Variants in PLCH1 observed in about 807,000 individuals in gnomAD.
The protein encoded by PLCH1 is 1-phosphatidylinositol 4,5-bisphosphate phosphodiesterase eta-1.
Under a neutral mutation model 126.7 loss-of-function variants are expected in PLCH1, and 60 were observed. The ratio of observed to expected loss-of-function variants is 0.47; its 90% confidence interval spans 0.38 to 0.59. The LOEUF is 0.59. PLCH1 is among the 20% of genes least tolerant of loss of function. The pLI is 0.00. For synonymous variants in PLCH1, 719 were observed against 734.9 expected (o/e 0.98, Z 0.35); for missense variants, 1,723 against 2,040.0 (o/e 0.84, Z 2.99).
At chr3:155,549,067 G>A (rs1725764375) in intron 10 of PLCH1, among the ~76,000 whole-genome samples, 1 of 152,108 alleles carries the variant, frequency 6.6e-6, no homozygotes, top group Non-Finnish European at 1.5e-5. Context: ...AAAATGATGT[G>A]GCCACCCAAG....
intron 10 of PLCH1, among the ~76,000 whole-genome samples, chr3:155,541,908 G>A (rs539653765): frequency 6.6e-6 from 1 of 152,308 alleles, no homozygotes; most frequent in African/African-American, 2.4e-5. Context: ...GGGGAGCCAA[G>A]ATGGCCGAAT....
intron 7 of PLCH1, among the ~76,000 whole-genome samples, chr3:155,567,234 A>C (rs1046721784): frequency 6.6e-6 from 1 of 151,956 alleles, no homozygotes; most frequent in African/African-American, 2.4e-5. Flanking sequence ...CACCATGCCC[A>C]GCTAATTTTT....
At chr3:155,685,457 G>T (rs1744865304) in intron 2 of PLCH1, among the ~76,000 whole-genome samples, 1 of 152,192 alleles carries the variant, frequency 6.6e-6, no homozygotes, top group Admixed American at 6.5e-5. Context: ...GGAAGGCAGA[G>T]CTCCTTAGGA....
At chr3:155,518,187 T>G (rs1720610053) in intron 11 of PLCH1, among the ~76,000 whole-genome samples, 2 of 152,218 alleles carry the variant, frequency 1.3e-5, no homozygotes, top group Non-Finnish European at 2.9e-5. Context: ...ATAGAATTTT[T>G]CAATCAATAT....
chr3:155,550,083 G>A, intron 9 of PLCH1, 125 bp from the exon 10 acceptor site: 1 of 577,336 alleles, frequency 1.7e-6, no homozygotes, highest in Non-Finnish European at 2.9e-6. Context: ...ACTGATGATG[G>A]TTAAAATGCT....
chr3:155,636,005 G>A (rs1034723524), intron 2 of PLCH1, among the ~76,000 whole-genome samples: 4 of 152,218 alleles, frequency 2.6e-5, no homozygotes, highest in East Asian at 3.9e-4. Context: ...CATCATAAAC[G>A]CATAGGTTGA....
chr3:155,632,324 A>G (rs1341642129), intron 2 of PLCH1, among the ~76,000 whole-genome samples: 1 of 152,188 alleles, frequency 6.6e-6, no homozygotes, highest in African/African-American at 2.4e-5. Context: ...TCAAGAAAAA[A>G]GTCCTGTCTT....
chr3:155,492,826 G>A lies in PLCH1; in HGVS notation c.2210C>T (p.Pro737Leu), dbSNP rs1716440122. The part of the protein sequence containing the change: ...KGTFNPFSGD[P>L]LPANPKKQLI... ...CTGCTTTTTGGGGTTGGCAGGAAGA[G>A]GGTCACCAGAGAAAGGGTTGAAAGT... is the stretch of plus-strand genomic sequence containing the variant. Residue 737 changes from proline (P) to leucine (L), a missense_variant, in exon 18 of 23, where the codon CCT becomes CTT. Around this residue, in one of 2 missense-constraint regions of PLCH1, gnomAD observed 776 missense variants for 1,062.9 expected, o/e 0.73. Transcript: ENST00000460012. 1 of 1,602,294 alleles carries A rather than the reference G, an allele frequency of 6.2e-7. No homozygotes were observed. The highest frequency in any genetic ancestry group is 2.3e-5 in the East Asian group (1 of 44,032).
chr3:155,474,221 A>C (rs1292660959), intron 21 of PLCH1, among the ~76,000 whole-genome samples: 1 of 149,518 alleles, frequency 6.7e-6, no homozygotes, highest in South Asian at 2.1e-4. Context: ...AACTCAAACA[A>C]ATTTACAAGA....
chr3:155,545,651 C>G (rs1239147578), intron 10 of PLCH1, among the ~76,000 whole-genome samples: 2 of 152,174 alleles, frequency 1.3e-5, no homozygotes. Context: ...AAAATACTGG[C>G]AAACCGAATC....
At chr3:155,660,280 A>G (rs897847861) in intron 2 of PLCH1, among the ~76,000 whole-genome samples, 1 of 152,224 alleles carries the variant, frequency 6.6e-6, no homozygotes, top group African/African-American at 2.4e-5. Flanking sequence ...TCAAAAGTCA[A>G]CAGCCACTTT....
chr3:155,518,684 G>A (rs894645747), intron 11 of PLCH1, among the ~76,000 whole-genome samples: 4 of 152,036 alleles, frequency 2.6e-5, no homozygotes, highest in Admixed American at 6.6e-5. Flanking sequence ...AACCCCCAAC[G>A]CATTTGATCA....
Position 155,482,712 on chromosome 3 carries a change from G to A in PLCH1, c.3314C>T (p.Pro1105Leu). The change falls in exon 23 of 23, where the codon CCT becomes CTT. Residue 1105 changes from proline to leucine, a missense_variant. This residue lies in a region of PLCH1 where 947 missense variants were observed against 977.1 expected (regional missense o/e 0.97). Coordinates refer to ENST00000460012, the MANE Select transcript of PLCH1 (RefSeq NM_014996.4). Reference sequence around the variant, plus strand: ...GCTTTTCCCTTCCACAAAGTCCTCAGGATTACCCTTTTCCTTGATTTTCAC... The same window carrying A: ...GCTTTTCCCTTCCACAAAGTCCTCAAGATTACCCTTTTCCTTGATTTTCAC... The part of the protein sequence containing the change: ...HGVKIKEKGN[P>L]EDFVEGKSIL... 6 of 1,614,170 alleles carry A rather than the reference G, an allele frequency of 3.7e-6. No individual in the cohort carries two copies. The highest frequency in any genetic ancestry group is 2.2e-5 in the East Asian group (1 of 44,880).
chr3:155,636,518 C>T (rs1300857186), intron 2 of PLCH1, among the ~76,000 whole-genome samples: 1 of 151,914 alleles, frequency 6.6e-6, no homozygotes, highest in African/African-American at 2.4e-5. Context: ...GAGGCTGAGG[C>T]GGGTGGATTA....
At chr3:155,666,162 G>C (rs1313811794) in intron 2 of PLCH1, among the ~76,000 whole-genome samples, 2 of 152,124 alleles carry the variant, frequency 1.3e-5, no homozygotes, top group Non-Finnish European at 2.9e-5. Flanking sequence ...CAAGCAATTT[G>C]ACAGGACTAA....
intron 1 of PLCH1, among the ~76,000 whole-genome samples, chr3:155,741,697 T>TTATTTTTTTTTA (rs1749649692): frequency 6.8e-6 from 1 of 146,526 alleles, no homozygotes. Context: ...TTTTTTTTTT[T>TTATTTTTTTTTA]TTTTTTTGTT....
intron 2 of PLCH1, among the ~76,000 whole-genome samples, chr3:155,611,128 C>A (rs1046706614): frequency 6.6e-6 from 1 of 152,112 alleles, no homozygotes; most frequent in Admixed American, 6.5e-5. Context: ...GAGGGCCAGG[C>A]ACGGCTCACA....
At chr3:155,694,152 T>A (rs417877) in intron 2 of PLCH1, among the ~76,000 whole-genome samples, 25,301 of 152,070 alleles carry the variant, frequency 0.17, 2,505 homozygotes, top group East Asian at 0.43. Flanking sequence ...ATTCAATAGT[T>A]CTGTTGAGAA....
intron 2 of PLCH1, among the ~76,000 whole-genome samples, chr3:155,611,716 T>G (rs958757364): frequency 6.6e-6 from 1 of 152,144 alleles, no homozygotes; most frequent in Non-Finnish European, 1.5e-5. Flanking sequence ...AAATATGCAT[T>G]TTTTTCTTCA....
Sources: allele counts gnomAD v4.1 joint callset (sites outside exome capture counted in the v4.1 genomes callset), GRCh38; gene constraint gnomAD v4.1.1; regional missense constraint gnomAD v4.1.1; transcripts MANE v1.5; gene names NCBI Gene and HGNC (gene_info 2026-07-23, HGNC 2026-07-21).